SLC43A2: variants seen among roughly 807,000 people sequenced by gnomAD.
The protein encoded by SLC43A2 is large neutral amino acids transporter small subunit 4.
In SLC43A2, 38 loss-of-function variants were observed where a neutral mutation model predicts 63.2. The observed-to-expected ratio is 0.60, with a 90% CI of 0.46 to 0.79. The LOEUF (loss-of-function observed/expected upper bound fraction) is 0.79, where lower values mean the gene tolerates loss of function less well. Ranked by LOEUF, SLC43A2 falls within the 30% of genes least tolerant of loss-of-function variation. The pLI, the probability that SLC43A2 is intolerant of heterozygous loss-of-function variation, is 0.00. For missense variants in SLC43A2, 644 were observed against 756.2 expected, an observed-to-expected ratio of 0.85 and a Z score of 1.74; for synonymous variants, 322 against 331.0, an observed-to-expected ratio of 0.97 and a Z score of 0.30.
intron 5 of SLC43A2, among the ~76,000 whole-genome samples, chr17:1,611,050 C>T (rs1907054504): frequency 6.6e-6 from 1 of 151,984 alleles, no homozygotes; most frequent in Non-Finnish European, 1.5e-5. Flanking sequence ...CTATCTTGGG[C>T]CAGGCTGGTC....
chr17:1,594,807 C>G (rs1444379285), intron 5 of SLC43A2, among the ~76,000 whole-genome samples: 1 of 151,542 alleles, frequency 6.6e-6, no homozygotes, highest in Non-Finnish European at 1.5e-5. Flanking sequence ...CCAGGATGGT[C>G]TGGATCTCCT....
intron 5 of SLC43A2, chr17:1,604,640 C>T: frequency 1.5e-6 from 2 of 1,302,908 alleles, no homozygotes; most frequent in Non-Finnish European, 2.1e-6. Context: ...TCCTGAGCAG[C>T]TGAGACTACA....
In SLC43A2 at chr17:1,591,355, G is replaced by C. The variant is rs1469981439; in HGVS notation, c.845C>G (p.Ala282Gly). The change falls in exon 8 of 14, where the codon GCC becomes GGC. Residue 282 changes from alanine (A) to glycine (G), a missense_variant. By Grantham distance (60) the Ala-to-Gly change is moderately conservative. Around this residue, in one of 3 missense-constraint regions of SLC43A2, gnomAD observed 528 missense variants for 623.6 expected, o/e 0.85. Coordinates refer to ENST00000301335, the MANE Select transcript of SLC43A2 (RefSeq NM_152346.3). ...CTCCTGCAGCGCCACCTGCTCCTTG[G>C]CACTCCTCATGGAGCTGCCCACACT... ...RLSVGSSMRS[A>G]KEQVALQEGH... The C allele has an allele frequency of 6.2e-7, 1 of 1,611,296 alleles. No homozygotes were observed. Among genetic ancestry groups the C allele is most frequent in the Non-Finnish European group, 8.5e-7 (1 of 1,179,972 alleles).
Position 1,578,453 on chromosome 17 carries a change from C to T in SLC43A2, c.1351-130G>A, listed in dbSNP as rs970429595. On this transcript the variant is annotated intron_variant, in intron 11 of 13. Coordinates refer to ENST00000301335, the MANE Select transcript of SLC43A2 (RefSeq NM_152346.3). The surrounding 1 kb of genome is among the most constrained non-coding windows in gnomAD (Gnocchi z 6.5). The stretch of plus-strand genomic sequence containing the variant: ...CTGGAGTTGGATCAACCCCATCCTC[C>T]GGAGCCAATTGTGAATTTTCAGAAA... 1.6e-5 allele frequency: 12 copies of T among 753,612 alleles called. No homozygotes were observed. Among genetic ancestry groups the T allele is most frequent in the Admixed American group, 8.9e-5 (3 of 33,616 alleles). The allele number at this position is 753,612 out of a possible 1,614,324, so 46.7% of individuals were successfully genotyped here. A position where few individuals can be genotyped will look rare whatever the true frequency, so the allele number is the denominator to read the frequency against.
At chr17:1,616,991 A>C (rs1262788405) in intron 2 of SLC43A2, among the ~76,000 whole-genome samples, 1 of 152,108 alleles carries the variant, frequency 6.6e-6, no homozygotes. Context: ...GGGGCCATGG[A>C]CCCTTTGAAA....
At chr17:1,618,548 G>A (rs890979283) in intron 2 of SLC43A2, among the ~76,000 whole-genome samples, 7 of 152,222 alleles carry the variant, frequency 4.6e-5, no homozygotes, top group South Asian at 2.1e-4. Flanking sequence ...GCACAGTCCC[G>A]TCAGCGTGTG....
rs374152237 is a variant in SLC43A2 at position 1,577,427 on chromosome 17, CT to C, written c.1425-708del. Reference sequence around the variant, plus strand: ...AGCACCACAGATCCCGCCCCCCTCCCTCAGACCCTGCCAGGACAGCCACAGC... The same window carrying C: ...AGCACCACAGATCCCGCCCCCCTCCCCAGACCCTGCCAGGACAGCCACAGC... On this transcript the variant is annotated intron_variant, in intron 12 of 13. Transcript: ENST00000301335. The surrounding 1 kb of genome is among the most constrained non-coding windows in gnomAD (Gnocchi z 4.9). 8.5e-3 allele frequency among the ~76,000 whole-genome samples: 1,302 copies of C among 152,306 alleles called. 14 individuals are homozygous for C. Among genetic ancestry groups the C allele is most frequent in the African/African-American group, 0.029 (1,208 of 41,556 alleles).
At chr17:1,612,393 C>T (rs918226744) in intron 5 of SLC43A2, among the ~76,000 whole-genome samples, 1 of 152,222 alleles carries the variant, frequency 6.6e-6, no homozygotes, top group African/African-American at 2.4e-5. Flanking sequence ...ACATCTCCCC[C>T]AGGCGACTGT....
chr17:1,597,611 C>A (rs1905439338), intron 5 of SLC43A2, among the ~76,000 whole-genome samples: 2 of 151,326 alleles, frequency 1.3e-5, no homozygotes, highest in South Asian at 2.1e-4. Context: ...ACCAGCCTGG[C>A]CAAAATGGTG....
intron 6 of SLC43A2, 83 bp from the exon 7 acceptor site, chr17:1,591,782 G>C (rs1345905891): frequency 1.9e-6 from 2 of 1,078,220 alleles, no homozygotes; most frequent in Admixed American, 4.4e-5. Flanking sequence ...AGGCAGGGGC[G>C]TCTGGCCACC....
intron 5 of SLC43A2, among the ~76,000 whole-genome samples, chr17:1,608,685 C>T (rs1906837200): frequency 6.6e-6 from 1 of 152,166 alleles, no homozygotes; most frequent in Admixed American, 6.5e-5. Context: ...TGAGCCACCG[C>T]ACCCGGCCAC....
At chr17:1,627,655 C>CCCCCCCCCCCCAAACCCCCCCCCCA in intron 2 of SLC43A2, 60 bp downstream of exon 2, 1 of 665,286 alleles carries the variant, frequency 1.5e-6, no homozygotes, top group East Asian at 4.0e-5. Flanking sequence ...CGCCCCCATC[C>CCCCCCCCCCCCAAACCCCCCCCCCA]CGCCCCCTCC....
rs535314897 is a variant in SLC43A2, at chr17:1,627,840, C to G, written c.35G>C (p.Arg12Pro). ...APTLATAHRR[R>P]WWMACTAVLE... is the part of the protein sequence containing the mutation. ...CACGGCCGTGCAGGCCATCCACCAGCGGCGCCGATGGGCAGTGGCCAGGGT... is the reference window on the plus strand; with the variant it reads ...CACGGCCGTGCAGGCCATCCACCAGGGGCGCCGATGGGCAGTGGCCAGGGT... The change falls in exon 2 of 14, where the codon CGC becomes CCC. Residue 12 changes from arginine to proline, a missense_variant. By Grantham distance (103) the Arg-to-Pro change is moderately radical (BLOSUM62 -2). Around this residue, in one of 3 missense-constraint regions of SLC43A2, gnomAD observed 528 missense variants for 623.6 expected, o/e 0.85. Coordinates refer to ENST00000301335, the MANE Select transcript of SLC43A2 (RefSeq NM_152346.3). 1 of 1,588,034 alleles carries G rather than the reference C, an allele frequency of 6.3e-7. No homozygotes were observed. Among genetic ancestry groups the G allele is most frequent in the South Asian group, 1.1e-5 (1 of 87,592 alleles).
chr17:1,573,471 A>G lies in SLC43A2; in HGVS notation c.*2133T>C, dbSNP rs2075876722. On this transcript the variant is annotated 3_prime_UTR_variant, in exon 14 of 14. Coordinates refer to ENST00000301335, the MANE Select transcript of SLC43A2 (RefSeq NM_152346.3). ...GCCACGGAGCTCATGAGCGTTGGCAAAGTGCTGTCAGTGCTGGCTGTAAGG... is the reference window on the plus strand; with the variant it reads ...GCCACGGAGCTCATGAGCGTTGGCAGAGTGCTGTCAGTGCTGGCTGTAAGG... 6.6e-6 allele frequency: 1 copy of G among 152,254 alleles called. No homozygotes were observed. The highest frequency in any genetic ancestry group is 2.4e-5 in the African/African-American group (1 of 41,460). The allele number at this position is 152,254 out of a possible 1,614,324, so 9.4% of individuals were successfully genotyped here.
intron 11 of SLC43A2, among the ~76,000 whole-genome samples, chr17:1,580,652 C>G (rs1363970237): frequency 1.3e-5 from 2 of 151,968 alleles, no homozygotes; most frequent in Admixed American, 1.3e-4. Flanking sequence ...ACCTCTGTCT[C>G]CTGGGTTCAA....
chr17:1,603,838 A>T (rs1282879832), intron 5 of SLC43A2, among the ~76,000 whole-genome samples: 1 of 152,180 alleles, frequency 6.6e-6, no homozygotes, highest in Non-Finnish European at 1.5e-5. Flanking sequence ...AGAAAAGTCA[A>T]GGGACTCCCC....
chr17:1,570,342 C>G lies in SLC43A2; in HGVS notation c.*5262G>C, dbSNP rs2075828751. The G allele has an allele frequency of 6.6e-6, 1 of 152,192 alleles. No homozygotes were observed. The highest frequency in any genetic ancestry group is 2.1e-4 in the South Asian group (1 of 4,836). 9.4% of individuals were successfully genotyped at this position (152,192 alleles called of 1,614,324 possible). ...ATGAGCCACCTCGCTGGGACCAGAC[C>G]TTACTTTCTTGACTTGGCCACAAGT... is the stretch of plus-strand genomic sequence containing the variant. On this transcript the variant is annotated 3_prime_UTR_variant, in exon 14 of 14. Coordinates refer to ENST00000301335, the MANE Select transcript of SLC43A2 (RefSeq NM_152346.3).
At chr17:1,576,863 GTTTTTTTT>G in intron 12 of SLC43A2, 143 bp from the exon 13 acceptor site, 1 of 578,188 alleles carries the variant, frequency 1.7e-6, no homozygotes, top group Non-Finnish European at 2.7e-6. Context: ...GGGCAGTTCT[GTTTTTTTT>G]TTTTTTTTTT....
chr17:1,609,602 A>G (rs1033050670), intron 5 of SLC43A2, among the ~76,000 whole-genome samples: 6 of 152,210 alleles, frequency 3.9e-5, no homozygotes, highest in Admixed American at 1.3e-4. Flanking sequence ...ACAGAAATAC[A>G]TGTACAGGGA....
Sources: gnomAD v4.1 joint callset for allele counts (sites outside exome capture counted in the v4.1 genomes callset) on GRCh38, gnomAD v4.1.1 for gene constraint, gnomAD v4.1.1 regional missense constraint, Gnocchi (gnomAD v3.1) non-coding constraint, MANE v1.5 for transcripts, NCBI Gene and HGNC (gene_info 2026-07-23, HGNC 2026-07-21) for gene names.